CDC42BPB: variants seen among roughly 807,000 people sequenced by gnomAD.
CDC42BPB encodes CDC42 binding protein kinase beta, also known as serine/threonine-protein kinase MRCK beta.
A neutral mutation model predicts 214.9 loss-of-function variants in CDC42BPB; 37 were observed. The observed-to-expected ratio is 0.17, with a 90% CI of 0.13 to 0.23. The LOEUF is 0.23. CDC42BPB is among the 10% of genes least tolerant of loss of function. CDC42BPB has a pLI of 1.00. For synonymous variants in CDC42BPB, 931 were observed against 884.0 expected (o/e 1.05, Z -0.94); for missense variants, 1,694 against 2,227.0 (o/e 0.76, Z 4.82).
chr14:102,947,872 C>CCCTG, intron 26 of CDC42BPB, 70 bp from the exon 27 acceptor site: 1 of 1,602,062 alleles, frequency 6.2e-7, no homozygotes, highest in South Asian at 1.1e-5. Context: ...CCACGCCCTG[C>CCCTG]CCTGCCCTGC....
chr14:103,052,411 C>T (rs573332752), intron 1 of CDC42BPB, among the ~76,000 whole-genome samples: 60 of 152,122 alleles, frequency 3.9e-4, no homozygotes, highest in Non-Finnish European at 7.8e-4. Context: ...GTATTTGAGC[C>T]GGGCACAGTG....
At chr14:102,948,949 G>A (rs969171832) in intron 26 of CDC42BPB, among the ~76,000 whole-genome samples, 9 of 152,086 alleles carry the variant, frequency 5.9e-5, no homozygotes, top group Admixed American at 2.0e-4. Context: ...AGGTGATGCC[G>A]ACTCACCCTC....
intron 3 of CDC42BPB, among the ~76,000 whole-genome samples, chr14:103,005,167 C>CAAAA (rs59904134): frequency 8.5e-6 from 1 of 117,442 alleles, no homozygotes; most frequent in Non-Finnish European, 1.7e-5. Context: ...GACTCTGTCT[C>CAAAA]AAAAAAAAAA....
At chr14:102,945,579 T>G in intron 29 of CDC42BPB, 83 bp downstream of exon 29, 8 of 1,268,820 alleles carry the variant, frequency 6.3e-6, no homozygotes, top group Non-Finnish European at 1.1e-6. Context: ...GTCTTAACCC[T>G]TAGGAGCTAC....
intron 9 of CDC42BPB, among the ~76,000 whole-genome samples, chr14:102,977,536 C>T (rs1893808641): frequency 6.6e-6 from 1 of 152,050 alleles, no homozygotes; most frequent in African/African-American, 2.4e-5. Context: ...CGAGGTGGAC[C>T]ATCTCAGGCG....
intron 5 of CDC42BPB, among the ~76,000 whole-genome samples, chr14:102,996,014 C>T (rs1461060196): frequency 3.3e-5 from 5 of 152,116 alleles, no homozygotes; most frequent in African/African-American, 1.2e-4. Context: ...GTCTACTATG[C>T]CCGGACGTCA....
In CDC42BPB at chr14:102,950,621, A is replaced by T. The variant is rs755239126; in HGVS notation, c.3173-19T>A. On this transcript the variant is annotated intron_variant, in intron 24 of 36. Transcript: ENST00000361246. The stretch of plus-strand genomic sequence containing the variant: ...GAACACACTGGAAGAGAGCAAGAAC[A>T]CTGCCTTCAAAGCTTGCTGCCTACA... 2.6e-6 allele frequency: 4 copies of T among 1,541,080 alleles called. No individual in the cohort carries two copies. The East Asian group carries it at 9.3e-5, about 36-fold the overall frequency.
chr14:102,972,973 T>A (rs1460120707), intron 12 of CDC42BPB, among the ~76,000 whole-genome samples: 1 of 152,212 alleles, frequency 6.6e-6, no homozygotes, highest in African/African-American at 2.4e-5. Context: ...TGCCCTTCAA[T>A]GCAGACTGAT....
At chr14:103,014,847 ACT>A (rs999052855) in intron 1 of CDC42BPB, among the ~76,000 whole-genome samples, 3 of 152,060 alleles carry the variant, frequency 2.0e-5, no homozygotes, top group African/African-American at 7.2e-5. Flanking sequence ...ACAGAGTGAC[ACT>A]CTATCTGAAA....
rs979849477 is a variant in CDC42BPB at position 103,001,740 on chromosome 14, C to T, written c.448-2027G>A. Among the ~76,000 whole-genome samples the T allele has an allele frequency of 3.9e-5, 6 of 152,164 alleles. No homozygotes were observed. Among genetic ancestry groups the T allele is most frequent in the Admixed American group, 3.3e-4 (5 of 15,280 alleles). On this transcript the variant is annotated intron_variant, in intron 4 of 36. Coordinates refer to ENST00000361246, the MANE Select transcript of CDC42BPB (RefSeq NM_006035.4). This position sits in a 1 kb window ranked among gnomAD's most constrained non-coding sequence, Gnocchi z 5.8. The stretch of plus-strand genomic sequence containing the variant: ...GACACACACGGGGCCAGGGGAGATG[C>T]GGTGAACGAACGGCCAGGCCCTCGG...
chr14:103,047,744 A>T (rs1888374345), intron 1 of CDC42BPB, among the ~76,000 whole-genome samples: 1 of 151,978 alleles, frequency 6.6e-6, no homozygotes, highest in South Asian at 2.1e-4. Flanking sequence ...TCTCTACTAA[A>T]ATACAAAAAA....
At chr14:103,022,896 AC>A (rs5811086) in intron 1 of CDC42BPB, among the ~76,000 whole-genome samples, 16,867 of 150,664 alleles carry the variant, frequency 0.11, 1,102 homozygotes, top group African/African-American at 0.17. Context: ...GGGCTCACCC[AC>A]CCCCCTCAGG....
intron 24 of CDC42BPB, among the ~76,000 whole-genome samples, chr14:102,950,947 C>A (rs1391818131): frequency 6.6e-6 from 1 of 152,178 alleles, no homozygotes; most frequent in East Asian, 1.9e-4. Context: ...GCCTGGGCCA[C>A]AGAGCGAGAC....
Position 103,021,023 on chromosome 14 carries a change from T to TA in CDC42BPB, c.176-8836dup, listed in dbSNP as rs574969368. Among the ~76,000 whole-genome samples the TA allele has an allele frequency of 3.3e-5, 5 of 152,266 alleles. No homozygotes were observed. The South Asian group carries it at 1.0e-3, about 32-fold the overall frequency. ...TCCCACAAGCCCTCTTAACCCCAAATACAGTTCTCTAAATAGGAGCTCTAG... is the reference window on the plus strand; with the variant it reads ...TCCCACAAGCCCTCTTAACCCCAAATAACAGTTCTCTAAATAGGAGCTCTAG... On this transcript the variant is annotated intron_variant, in intron 1 of 36. Coordinates refer to ENST00000361246, the MANE Select transcript of CDC42BPB (RefSeq NM_006035.4).
intron 16 of CDC42BPB, among the ~76,000 whole-genome samples, 173 bp downstream of exon 16, chr14:102,968,080 G>C (rs1196861407): frequency 6.6e-6 from 1 of 151,464 alleles, no homozygotes; most frequent in African/African-American, 2.4e-5. Flanking sequence ...GAGCGACAGA[G>C]CGAGACTCCA....
At chr14:103,053,352 AAAAAG>A (rs911671227) in intron 1 of CDC42BPB, among the ~76,000 whole-genome samples, 17 of 151,966 alleles carry the variant, frequency 1.1e-4, no homozygotes, top group East Asian at 5.8e-4. Context: ...GTCTCAAAAA[AAAAAG>A]AAAAGAAAAG....
intron 1 of CDC42BPB, among the ~76,000 whole-genome samples, chr14:103,038,177 A>C (rs1418364145): frequency 2.6e-5 from 4 of 150,978 alleles, no homozygotes; most frequent in Admixed American, 2.6e-4. Context: ...TCTACTAAAA[A>C]TACAAAAATT....
chr14:102,979,478 C>G (rs1893903628), intron 8 of CDC42BPB, among the ~76,000 whole-genome samples: 1 of 152,170 alleles, frequency 6.6e-6, no homozygotes. Flanking sequence ...TCCCAAAGTT[C>G]TGGGACTACA....
chr14:102,975,437 C>T (rs190856918), intron 11 of CDC42BPB, among the ~76,000 whole-genome samples: 23 of 152,100 alleles, frequency 1.5e-4, no homozygotes, highest in African/African-American at 5.3e-4. Flanking sequence ...GCAAGAGAAT[C>T]GCTTGAACCC....
Sources: allele counts gnomAD v4.1 joint callset (sites outside exome capture counted in the v4.1 genomes callset), GRCh38; gene constraint gnomAD v4.1.1; non-coding constraint Gnocchi (gnomAD v3.1); transcripts MANE v1.5; gene names NCBI Gene and HGNC (gene_info 2026-07-23, HGNC 2026-07-21).